PTPRD: variants seen among roughly 807,000 people sequenced by gnomAD.
PTPRD encodes protein tyrosine phosphatase receptor type D.
PTPRD carries 34 observed loss-of-function variants against 214.5 expected under a neutral mutation model. The observed-to-expected ratio is 0.16, with a 90% CI of 0.12 to 0.21. The LOEUF (loss-of-function observed/expected upper bound fraction) is 0.21. Ranked by LOEUF, PTPRD falls within the 10% of genes least tolerant of loss-of-function variation. PTPRD has a pLI of 1.00. For missense variants in PTPRD, 2,545 were observed against 2,398.7 expected (o/e 1.06, Z -1.27); for synonymous variants, 1,128 against 845.7 (o/e 1.33, Z -5.79).
intron 24 of PTPRD, among the ~76,000 whole-genome samples, 196 bp downstream of exon 24, chr9:8,500,558 G>GGAAAAAAAAA (rs2097373754): frequency 0.017 from 247 of 14,330 alleles, 16 homozygotes; most frequent in East Asian, 0.043. Flanking sequence ...TGAAAAAAAT[G>GGAAAAAAAAA]AAAAAAAAAA....
intron 10 of PTPRD, among the ~76,000 whole-genome samples, chr9:9,024,254 T>G (rs12686090): frequency 0.55 from 82,395 of 150,990 alleles, 22,899 homozygotes; most frequent in Non-Finnish European, 0.6. Flanking sequence ...ATTTGTTTAG[T>G]TAGTGCATAG....
intron 10 of PTPRD, among the ~76,000 whole-genome samples, chr9:9,080,598 G>A (rs959326679): frequency 2.0e-5 from 3 of 152,006 alleles, no homozygotes; most frequent in Non-Finnish European, 2.9e-5. Context: ...TGTGACTCCT[G>A]CAGTCTGACT....
rs754308021 is a variant in PTPRD at position 10,026,867 on chromosome 9, C to CA, written c.-472+6850dup. Among the ~76,000 whole-genome samples, 691 of 110,450 alleles carry CA rather than the reference C, an allele frequency of 6.3e-3. 2 individuals carry two copies. The highest frequency in any genetic ancestry group is 7.3e-3 in the African/African-American group (219 of 29,894). The allele number at this position is 110,450 out of a possible 152,430, so 72.5% of individuals were successfully genotyped here. A position where few individuals can be genotyped will look rare whatever the true frequency, so the allele number is the denominator to read the frequency against. ...GACACTTGGTTTAGTGAGTGTCTTT[C>CA]AAAAAAAAAAAAAAGACGTGAGAAG... On this transcript the variant is annotated intron_variant, in intron 4 of 45. Coordinates refer to ENST00000381196, the MANE Select transcript of PTPRD (RefSeq NM_002839.4).
chr9:9,326,679 C>T (rs1398248509), intron 9 of PTPRD, among the ~76,000 whole-genome samples: 1 of 148,810 alleles, frequency 6.7e-6, no homozygotes, highest in Non-Finnish European at 1.5e-5. Flanking sequence ...AAGATAAAGA[C>T]AAATGAATCC....
chr9:8,729,566 C>G (rs1204483989), intron 12 of PTPRD, among the ~76,000 whole-genome samples: 1 of 152,178 alleles, frequency 6.6e-6, no homozygotes, highest in Non-Finnish European at 1.5e-5. Context: ...GTGTTATCTG[C>G]TAATCTATGA....
At chr9:9,789,796 CAAA>C (rs774579667) in intron 5 of PTPRD, among the ~76,000 whole-genome samples, 152 of 40,786 alleles carry the variant, frequency 3.7e-3, no homozygotes, top group African/African-American at 8.8e-3. Flanking sequence ...AACTCTGTCT[CAAA>C]AAAAAAAAAA....
At chr9:8,532,781 T>C (rs1052971748) in intron 14 of PTPRD, among the ~76,000 whole-genome samples, 3 of 152,070 alleles carry the variant, frequency 2.0e-5, no homozygotes, top group Admixed American at 1.3e-4. Context: ...TAGTGAATCA[T>C]AGAGTCATAC....
chr9:10,337,903 T>G (rs1475138202), intron 3 of PTPRD, among the ~76,000 whole-genome samples: 1 of 151,770 alleles, frequency 6.6e-6, no homozygotes, highest in Non-Finnish European at 1.5e-5. Flanking sequence ...GTTTCCCATA[T>G]TATATCTTTT....
intron 33 of PTPRD, among the ~76,000 whole-genome samples, chr9:8,457,568 G>C (rs1401707218): frequency 1.3e-5 from 2 of 151,846 alleles, no homozygotes; most frequent in African/African-American, 4.8e-5. Flanking sequence ...CACATGAATA[G>C]ATCTAATAGG....
chr9:9,429,896 G>T (rs544182519), intron 8 of PTPRD, among the ~76,000 whole-genome samples: 1 of 152,096 alleles, frequency 6.6e-6, no homozygotes, highest in Non-Finnish European at 1.5e-5. Context: ...TTGATGGAAT[G>T]TATCTCAAAA....
intron 12 of PTPRD, among the ~76,000 whole-genome samples, chr9:8,679,904 AT>A (rs1210925474): frequency 6.6e-6 from 1 of 152,216 alleles, no homozygotes; most frequent in Non-Finnish European, 1.5e-5. Flanking sequence ...AAATGTACTA[AT>A]TCTAATTACC....
At chr9:8,940,919 G>A (rs2099030049) in intron 11 of PTPRD, among the ~76,000 whole-genome samples, 1 of 151,984 alleles carries the variant, frequency 6.6e-6, no homozygotes, top group African/African-American at 2.4e-5. Context: ...CATGCCTTGA[G>A]CCCAAGTTGC....
chr9:10,059,237 T>C (rs1229583510), intron 3 of PTPRD, among the ~76,000 whole-genome samples: 1 of 152,116 alleles, frequency 6.6e-6, no homozygotes, highest in East Asian at 1.9e-4. Context: ...GACATGTTCT[T>C]CACATACTCC....
chr9:8,421,252 A>T (rs929531315), intron 35 of PTPRD, among the ~76,000 whole-genome samples: 1 of 151,086 alleles, frequency 6.6e-6, no homozygotes, highest in Middle Eastern at 3.4e-3. Context: ...GAGAAAACCA[A>T]CCTCCTCCCT....
At chr9:8,437,460 C>G (rs2095398791) in intron 34 of PTPRD, among the ~76,000 whole-genome samples, 2 of 152,124 alleles carry the variant, frequency 1.3e-5, no homozygotes, top group African/African-American at 4.8e-5. Context: ...CAAACACAGA[C>G]ACAAAGAATG....
At chr9:9,099,168 G>C (rs1217758438) in intron 10 of PTPRD, among the ~76,000 whole-genome samples, 1 of 152,164 alleles carries the variant, frequency 6.6e-6, no homozygotes, top group African/African-American at 2.4e-5. Flanking sequence ...ACACAGAGCA[G>C]GCCATGTACA....
At chr9:8,556,295 A>G (rs1330777241) in intron 14 of PTPRD, among the ~76,000 whole-genome samples, 3 of 152,186 alleles carry the variant, frequency 2.0e-5, no homozygotes, top group African/African-American at 7.2e-5. Context: ...ATGTTTGATT[A>G]CTCACTATGG....
At chr9:10,135,268 G>C (rs1459835457) in intron 3 of PTPRD, among the ~76,000 whole-genome samples, 1 of 152,104 alleles carries the variant, frequency 6.6e-6, no homozygotes, top group African/African-American at 2.4e-5. Context: ...ATTCTTGAGA[G>C]AGTAGTAGAG....
intron 4 of PTPRD, among the ~76,000 whole-genome samples, chr9:9,964,646 T>TA (rs1210505330): frequency 2.0e-5 from 3 of 152,210 alleles, no homozygotes; most frequent in African/African-American, 7.2e-5. Flanking sequence ...ATAAAGTTTT[T>TA]AAAAAATGTT....
Sources: gnomAD v4.1 joint callset for allele counts (sites outside exome capture counted in the v4.1 genomes callset) on GRCh38, gnomAD v4.1.1 for gene constraint, MANE v1.5 for transcripts, NCBI Gene and HGNC (gene_info 2026-07-23, HGNC 2026-07-21) for gene names.